PSMD1: variants seen among roughly 807,000 people sequenced by gnomAD.
PSMD1 encodes the protein 26S proteasome non-ATPase regulatory subunit 1.
Under a neutral mutation model 119.0 loss-of-function variants are expected in PSMD1, and 18 were observed. That is an observed-to-expected ratio of 0.15 (90% CI 0.10 to 0.22). The LOEUF (loss-of-function observed/expected upper bound fraction) is 0.22. PSMD1 is among the 10% of genes least tolerant of loss of function. The pLI, the probability that PSMD1 is intolerant of heterozygous loss-of-function variation, is 1.00. For synonymous variants in PSMD1, 374 were observed against 396.6 expected (o/e 0.94, Z 0.68); for missense variants, 702 against 1,158.5 (o/e 0.61, Z 5.72).
chr2:231,131,159 G>T (rs1695843974), intron 16 of PSMD1, among the ~76,000 whole-genome samples: 1 of 152,084 alleles, frequency 6.6e-6, no homozygotes, highest in Admixed American at 6.6e-5. Context: ...GTAGTTTAAT[G>T]TGTTGTTTGG....
At chr2:231,110,737 A>G (rs952496837) in intron 16 of PSMD1, among the ~76,000 whole-genome samples, 1 of 152,210 alleles carries the variant, frequency 6.6e-6, no homozygotes, top group Non-Finnish European at 1.5e-5. Flanking sequence ...CAGTTTGAGG[A>G]CCATTGGCCC....
At chr2:231,136,821 CT>C (rs2125245862) in intron 16 of PSMD1, among the ~76,000 whole-genome samples, 1 of 151,606 alleles carries the variant, frequency 6.6e-6, no homozygotes, top group South Asian at 2.1e-4. Flanking sequence ...CACTTTATGT[CT>C]GCATTCTCTG....
In PSMD1 at chr2:231,161,385, C is replaced by T. The variant is rs1696637341; in HGVS notation, c.2264C>T (p.Thr755Ile). 2 of 1,613,236 alleles carry T rather than the reference C, an allele frequency of 1.2e-6. No individual in the cohort carries two copies. Among genetic ancestry groups the T allele is most frequent in the South Asian group, 2.2e-5 (2 of 91,058 alleles). Reference protein sequence around the residue: ...TISLQSRTGHTHMPSVVGVLV... With the variant: ...TISLQSRTGHIHMPSVVGVLV... The stretch of plus-strand genomic sequence containing the variant: ...TCCTTGCAGTCCAGGACTGGGCATA[C>T]TCATATGCCTTCTGTGGTTGGCGTC... Residue 755 changes from threonine to isoleucine, a missense_variant, in exon 20 of 25, where the codon ACT (threonine) becomes ATT (isoleucine). By Grantham distance (89) the Thr-to-Ile change is moderately conservative. Around this residue, in one of 9 missense-constraint regions of PSMD1, gnomAD observed 152 missense variants for 239.3 expected, o/e 0.64. Coordinates refer to ENST00000308696, the MANE Select transcript of PSMD1 (RefSeq NM_002807.4).
chr2:231,148,204 T>A (rs1226606118), intron 18 of PSMD1, among the ~76,000 whole-genome samples: 4 of 152,230 alleles, frequency 2.6e-5, no homozygotes, highest in Non-Finnish European at 1.5e-5. Flanking sequence ...CTGCTTTTGA[T>A]CTTCAACTGA....
intron 17 of PSMD1, among the ~76,000 whole-genome samples, chr2:231,145,321 T>A (rs913982197): frequency 1.3e-5 from 2 of 152,112 alleles, no homozygotes; most frequent in Non-Finnish European, 2.9e-5. Flanking sequence ...ATGGTAAAAA[T>A]ACAGTATAAA....
chr2:231,130,381 C>A (rs1695825221), intron 16 of PSMD1, among the ~76,000 whole-genome samples: 1 of 152,354 alleles, frequency 6.6e-6, no homozygotes, highest in African/African-American at 2.4e-5. Context: ...TGATTTCTTT[C>A]CTCTCCACTG....
chr2:231,153,118 G>T (rs113569446), intron 18 of PSMD1, among the ~76,000 whole-genome samples: 3 of 152,286 alleles, frequency 2.0e-5, no homozygotes, highest in African/African-American at 7.2e-5. Flanking sequence ...TCATGCAAAA[G>T]ATACCTCACA....
intron 19 of PSMD1, among the ~76,000 whole-genome samples, chr2:231,158,218 C>T (rs80279189): frequency 0.035 from 5,320 of 151,832 alleles, 111 homozygotes; most frequent in East Asian, 0.11. Flanking sequence ...GGCTGAGGCA[C>T]GAGAATTGCT....
intron 1 of PSMD1, among the ~76,000 whole-genome samples, chr2:231,059,510 G>A (rs1693703758): frequency 6.6e-6 from 1 of 152,176 alleles, no homozygotes; most frequent in Non-Finnish European, 1.5e-5. Context: ...AGAGAGAGGT[G>A]CTTCCAGGCG....
At chr2:231,140,870 C>T (rs1461998231) in intron 17 of PSMD1, among the ~76,000 whole-genome samples, 7 of 151,054 alleles carry the variant, frequency 4.6e-5, no homozygotes, top group Admixed American at 3.3e-4. Context: ...AAGGGTGAAA[C>T]TCCATCTCAA....
At chr2:231,099,614 G>T (rs1435399671) in intron 16 of PSMD1, among the ~76,000 whole-genome samples, 1 of 152,072 alleles carries the variant, frequency 6.6e-6, no homozygotes, top group Non-Finnish European at 1.5e-5. Flanking sequence ...TGGTTTTGGG[G>T]TAAGGTTCAA....
At chr2:231,097,888 C>A (rs1694762346) in intron 16 of PSMD1, among the ~76,000 whole-genome samples, 1 of 149,912 alleles carries the variant, frequency 6.7e-6, no homozygotes, top group Non-Finnish European at 1.5e-5. Context: ...GGCAGAGTGT[C>A]CAGCAAAGGT....
chr2:231,106,000 G>T (rs1694965369), intron 16 of PSMD1, among the ~76,000 whole-genome samples: 1 of 138,940 alleles, frequency 7.2e-6, no homozygotes, highest in African/African-American at 2.7e-5. Context: ...TTAATTGGCA[G>T]TAACATGGAA....
chr2:231,077,698 A>G lies in PSMD1; in HGVS notation c.1071+536A>G, dbSNP rs142158105. Among the ~76,000 whole-genome samples, 328 of 152,334 alleles carry G rather than the reference A, an allele frequency of 2.2e-3. 3 individuals are homozygous for G. The highest frequency in any genetic ancestry group is 7.7e-3 in the African/African-American group (320 of 41,596). On this transcript the variant is annotated intron_variant, in intron 9 of 24. Coordinates refer to ENST00000308696, the MANE Select transcript of PSMD1 (RefSeq NM_002807.4). ...TACTGATTTTAATTTTTTAGCAAGT[A>G]ATATATTTGATTCAAAATATTTTAA...
intron 21 of PSMD1, among the ~76,000 whole-genome samples, chr2:231,164,783 G>T (rs79444080): frequency 6.6e-6 from 1 of 151,680 alleles, no homozygotes; most frequent in African/African-American, 2.4e-5. Context: ...TCTACAACCA[G>T]CGCTGAAGGA....
chr2:231,114,116 CTT>C (rs1440332664), intron 16 of PSMD1, among the ~76,000 whole-genome samples: 1 of 152,112 alleles, frequency 6.6e-6, no homozygotes, highest in Non-Finnish European at 1.5e-5. Context: ...TGGATGGTAA[CTT>C]TTAAATACAT....
In PSMD1 at chr2:231,080,322, T is replaced by C. The variant is rs769840230; in HGVS notation, c.1413+8T>C. ...AAGAACGCCAGCAATGATGTAAGTA[T>C]TAAAATGGAAAACTAAATTTCCAAA... On this transcript the variant is annotated splice_region_variant and intron_variant, in intron 12 of 24. Coordinates refer to ENST00000308696, the MANE Select transcript of PSMD1 (RefSeq NM_002807.4). 2.6e-6 allele frequency: 4 copies of C among 1,554,978 alleles called. No homozygotes were observed. In the Admixed American group the frequency reaches 7.4e-5, roughly 29 times the overall value.
chr2:231,160,594 A>G (rs1696614434), intron 19 of PSMD1, among the ~76,000 whole-genome samples: 1 of 152,200 alleles, frequency 6.6e-6, no homozygotes, highest in Non-Finnish European at 1.5e-5. Flanking sequence ...TAAGCAAACT[A>G]TCTATGCTTG....
intron 16 of PSMD1, chr2:231,109,189 G>T (rs768613505): frequency 6.2e-7 from 1 of 1,614,180 alleles, no homozygotes; most frequent in Admixed American, 1.7e-5. Context: ...ACCATGTTAG[G>T]CGTTGAGGTG....
Sources: allele counts gnomAD v4.1 joint callset (sites outside exome capture counted in the v4.1 genomes callset), GRCh38; gene constraint gnomAD v4.1.1; regional missense constraint gnomAD v4.1.1; transcripts MANE v1.5; gene names NCBI Gene and HGNC (gene_info 2026-07-23, HGNC 2026-07-21).